PTPRK: variants seen among roughly 807,000 people sequenced by gnomAD.
PTPRK encodes protein tyrosine phosphatase receptor type K.
Under a neutral mutation model 178.0 loss-of-function variants are expected in PTPRK, and 75 were observed. The ratio of observed to expected loss-of-function variants is 0.42; its 90% CI spans 0.35 to 0.51. The LOEUF (loss-of-function observed/expected upper bound fraction) is 0.51. Ranked by LOEUF, PTPRK falls within the 20% of genes least tolerant of loss-of-function variation. PTPRK has a pLI of 0.02. For missense variants in PTPRK, 1,441 were observed against 1,797.8 expected (o/e 0.80, Z 3.59); for synonymous variants, 637 against 620.6 (o/e 1.03, Z -0.39).
At chr6:128,088,758 A>T (rs928354272) in intron 8 of PTPRK, among the ~76,000 whole-genome samples, 1 of 152,184 alleles carries the variant, frequency 6.6e-6, no homozygotes, top group African/African-American at 2.4e-5. Context: ...TGTTCATATT[A>T]TTTATCAAGA....
At chr6:128,382,151 CAAAAAAAAAAAAA>C (rs56321095) in intron 2 of PTPRK, among the ~76,000 whole-genome samples, 10 of 75,662 alleles carry the variant, frequency 1.3e-4, no homozygotes, top group East Asian at 4.0e-4. Flanking sequence ...TACCCTATCT[CAAAAAAAAAAAAA>C]AAAAAAAAGG....
rs578196797 is a variant in PTPRK, at chr6:128,326,147, C to T, written c.224-3837G>A. Among the ~76,000 whole-genome samples, 75 of 152,124 alleles carry T rather than the reference C, an allele frequency of 4.9e-4. No individual in the cohort carries two copies. The Middle Eastern group carries it at 0.01, about 21-fold the overall frequency. On this transcript the variant is annotated intron_variant, in intron 2 of 29. Coordinates refer to ENST00000368226, the MANE Select transcript of PTPRK (RefSeq NM_002844.4). ...GAACACATGGACACAGAGAGGGGAA[C>T]ACACACCAGGGCCTGTTGGGAGGCA...
intron 7 of PTPRK, among the ~76,000 whole-genome samples, chr6:128,123,016 G>A (rs1439286276): frequency 1.3e-5 from 2 of 152,160 alleles, no homozygotes; most frequent in African/African-American, 2.4e-5. Context: ...TTTGGAATAA[G>A]GCTCTTTGCA....
Position 128,078,885 on chromosome 6 carries a change from G to GCAT in PTPRK, c.1808_1810dup (p.Asp603dup). On this transcript the variant is annotated inframe_insertion, in exon 11 of 30. Coordinates refer to ENST00000368226, the MANE Select transcript of PTPRK (RefSeq NM_002844.4). ...TGTGGTGGCAGTTTCATTGAGAGAG[G>GCAT]CATCAACTCCTTCATAGTCAGGTAA... The GCAT allele has an allele frequency of 6.2e-7, 1 of 1,611,944 alleles. No homozygotes were observed. The highest frequency in any genetic ancestry group is 8.5e-7 in the Non-Finnish European group (1 of 1,178,510).
intron 1 of PTPRK, among the ~76,000 whole-genome samples, chr6:128,399,934 C>T (rs1444106183): frequency 6.6e-6 from 1 of 152,068 alleles, no homozygotes; most frequent in Non-Finnish European, 1.5e-5. Flanking sequence ...AATAAGAAAG[C>T]TTTTTAAATA....
chr6:128,491,524 T>C (rs1300425168), intron 1 of PTPRK, among the ~76,000 whole-genome samples: 1 of 152,208 alleles, frequency 6.6e-6, no homozygotes, highest in Non-Finnish European at 1.5e-5. Flanking sequence ...CTGGCTCCGG[T>C]GTATCCACAC....
Position 128,113,408 on chromosome 6 carries a change from T to C in PTPRK, c.1163-23416A>G, listed in dbSNP as rs886795023. Among the ~76,000 whole-genome samples the C allele has an allele frequency of 2.7e-5, 4 of 149,934 alleles. 1 individual carries two copies. Among genetic ancestry groups the C allele is most frequent in the Non-Finnish European group, 5.9e-5 (4 of 67,512 alleles). ...GAAATTATATATATAAAATAACATA[T>C]ATATAGTCAGTTCTCAATACCTGCA... On this transcript the variant is annotated intron_variant, in intron 7 of 29. Transcript: ENST00000368226.
intron 1 of PTPRK, among the ~76,000 whole-genome samples, chr6:128,419,061 C>T (rs1302607013): frequency 6.6e-6 from 1 of 152,188 alleles, no homozygotes; most frequent in East Asian, 1.9e-4. Flanking sequence ...GAACTAGTAT[C>T]CAGTAATTCA....
chr6:128,070,590 T>C (rs1207198385), intron 11 of PTPRK, among the ~76,000 whole-genome samples: 6 of 151,890 alleles, frequency 4.0e-5, no homozygotes, highest in Non-Finnish European at 8.8e-5. Flanking sequence ...TTCTAAAACA[T>C]TCTTTGTGCA....
intron 1 of PTPRK, among the ~76,000 whole-genome samples, chr6:128,450,035 G>A (rs1584774171): frequency 6.6e-6 from 1 of 151,542 alleles, no homozygotes; most frequent in East Asian, 1.9e-4. Context: ...TTGAACCCAG[G>A]TTGGGGGCGG....
Position 127,998,749 on chromosome 6 carries a change from C to G in PTPRK, c.2650G>C (p.Asp884His), listed in dbSNP as rs1349725443. 6.2e-7 allele frequency: 1 copy of G among 1,600,672 alleles called. No individual in the cohort carries two copies. Among genetic ancestry groups the G allele is most frequent in the Non-Finnish European group, 8.5e-7 (1 of 1,172,040 alleles). ...TATTCCTCTTTGAACCCATAGCTGTCTGATGTCTTCATGAGATTAATGTGC... is the reference window on the plus strand; with the variant it reads ...TATTCCTCTTTGAACCCATAGCTGTGTGATGTCTTCATGAGATTAATGTGC... ...LQHINLMKTS[D>H]SYGFKEEYES... The change falls in exon 16 of 30, where the codon GAC becomes CAC. Residue 884 changes from aspartate to histidine, a missense_variant. Physicochemically the swap from Asp to His is moderately conservative, Grantham distance 81. Transcript: ENST00000368226.
At chr6:128,463,874 C>A (rs1401540799) in intron 1 of PTPRK, among the ~76,000 whole-genome samples, 1 of 151,156 alleles carries the variant, frequency 6.6e-6, no homozygotes, top group African/African-American at 2.4e-5. Flanking sequence ...GCCTCAGCCT[C>A]CTGAGTAGCT....
At chr6:128,007,489 GA>G (rs1778572472) in intron 14 of PTPRK, among the ~76,000 whole-genome samples, 1 of 150,802 alleles carries the variant, frequency 6.6e-6, no homozygotes, top group Admixed American at 6.6e-5. Flanking sequence ...ATATGAACCA[GA>G]AAATCAAGTT....
At chr6:128,019,324 T>C (rs1423061164) in intron 13 of PTPRK, among the ~76,000 whole-genome samples, 1 of 152,136 alleles carries the variant, frequency 6.6e-6, no homozygotes, top group East Asian at 1.9e-4. Context: ...TGTTTAACAC[T>C]GCCTTTTCAA....
At chr6:128,318,285 T>G (rs546289512) in intron 3 of PTPRK, among the ~76,000 whole-genome samples, 1 of 152,306 alleles carries the variant, frequency 6.6e-6, no homozygotes, top group East Asian at 1.9e-4. Context: ...TAAGCCCCAA[T>G]CTTTTCAGAT....
chr6:128,401,614 C>G (rs1027074445), intron 1 of PTPRK, among the ~76,000 whole-genome samples: 1 of 152,080 alleles, frequency 6.6e-6, no homozygotes, highest in Admixed American at 6.6e-5. Flanking sequence ...AGATTATTGT[C>G]CTAAGATCTT....
intron 1 of PTPRK, among the ~76,000 whole-genome samples, chr6:128,434,618 G>T (rs973750221): frequency 4.6e-5 from 7 of 151,958 alleles, no homozygotes; most frequent in African/African-American, 1.7e-4. Context: ...GGCACTCAAA[G>T]AACTCAATAA....
chr6:128,495,411 A>C (rs1051158387), intron 1 of PTPRK, among the ~76,000 whole-genome samples: 2 of 152,206 alleles, frequency 1.3e-5, no homozygotes, highest in African/African-American at 4.8e-5. Context: ...TGTAAGGAAA[A>C]GGTAATATGC....
chr6:128,097,251 C>T (rs1267068669), intron 7 of PTPRK, among the ~76,000 whole-genome samples: 1 of 152,084 alleles, frequency 6.6e-6, no homozygotes, highest in East Asian at 1.9e-4. Context: ...TATAAAGTGA[C>T]AGAGGGTGGA....
Sources: gnomAD v4.1 joint callset for allele counts (sites outside exome capture counted in the v4.1 genomes callset) on GRCh38, gnomAD v4.1.1 for gene constraint, MANE v1.5 for transcripts, NCBI Gene and HGNC (gene_info 2026-07-23, HGNC 2026-07-21) for gene names.